The following SIL1 variants were observed in gnomAD, a reference collection of about 807,000 sequenced individuals.
The protein encoded by SIL1 is SIL1 nucleotide exchange factor.
A neutral mutation model predicts 49.1 loss-of-function variants in SIL1; 40 were observed. The observed-to-expected ratio is 0.81, with a 90% CI of 0.63 to 1.06. The LOEUF (loss-of-function observed/expected upper bound fraction) is 1.06. Ranked by LOEUF, SIL1 falls within the 50% of genes least tolerant of loss-of-function variation. SIL1 has a pLI of 0.00. For missense variants in SIL1, 500 were observed against 572.6 expected, an observed-to-expected ratio of 0.87 and a Z score of 1.29; for synonymous variants, 253 against 250.8, an observed-to-expected ratio of 1.01 and a Z score of -0.08.
chr5:139,058,972 G>A (rs1381544034), intron 3 of SIL1, among the ~76,000 whole-genome samples: 7 of 151,078 alleles, frequency 4.6e-5, no homozygotes, highest in Non-Finnish European at 1.0e-4. Context: ...AAATGTGTAT[G>A]TGTGTGTGTG....
intron 7 of SIL1, among the ~76,000 whole-genome samples, chr5:139,017,968 C>T (rs1160585844): frequency 1.3e-5 from 2 of 152,120 alleles, no homozygotes; most frequent in Non-Finnish European, 2.9e-5. Context: ...CATTAAAAGA[C>T]GAAGCTGCTA....
Position 138,951,212 on chromosome 5 carries a change from C to G in SIL1, c.988G>C (p.Val330Leu). The part of the protein sequence containing the change: ...VQEKGTEVLA[V>L]RVVTLLYDLV... ...TCGTAGAGCAGTGTGACCACGCGCACGGCGAGCACCTCCGTGCCCTTCTCC... is the reference window on the plus strand; with the variant it reads ...TCGTAGAGCAGTGTGACCACGCGCAGGGCGAGCACCTCCGTGCCCTTCTCC... The change falls in exon 9 of 10, where the codon GTG becomes CTG. Residue 330 changes from valine (V) to leucine (L), a missense_variant. Physicochemically the swap from Val to Leu is conservative, Grantham distance 32. Coordinates refer to ENST00000394817, the MANE Select transcript of SIL1 (RefSeq NM_022464.5). 1 of 1,609,788 alleles carries G rather than the reference C, an allele frequency of 6.2e-7. No individual in the cohort carries two copies. Among genetic ancestry groups the G allele is most frequent in the South Asian group, 1.1e-5 (1 of 89,954 alleles).
At chr5:139,074,840 T>C (rs1284195184) in intron 3 of SIL1, among the ~76,000 whole-genome samples, 2 of 152,114 alleles carry the variant, frequency 1.3e-5, no homozygotes, top group Non-Finnish European at 2.9e-5. Flanking sequence ...TTTTTATTTT[T>C]TTTGAGGCAC....
chr5:139,041,161 T>C lies in SIL1; in HGVS notation c.453+1459A>G, dbSNP rs1769039996. Among the ~76,000 whole-genome samples the C allele has an allele frequency of 2.0e-5, 3 of 152,324 alleles. No individual in the cohort carries two copies. In the South Asian group the frequency reaches 6.2e-4, roughly 32 times the overall value. On this transcript the variant is annotated intron_variant, in intron 5 of 9. Coordinates refer to ENST00000394817, the MANE Select transcript of SIL1 (RefSeq NM_022464.5). ...AGAAGATGTGCTTCTCCTCAGCCCC[T>C]TGGCTAATACATCTGTGGTAGGACA...
chr5:138,994,107 G>C (rs555632068), intron 7 of SIL1, among the ~76,000 whole-genome samples: 10 of 152,104 alleles, frequency 6.6e-5, no homozygotes, highest in Admixed American at 2.0e-4. Flanking sequence ...GACAGGAAAA[G>C]GATAAGGATG....
chr5:139,081,047 C>T (rs1367728530), intron 3 of SIL1, among the ~76,000 whole-genome samples: 1 of 152,202 alleles, frequency 6.6e-6, no homozygotes, highest in Non-Finnish European at 1.5e-5. Context: ...TCACTAAGCA[C>T]AGCATTAACC....
chr5:139,029,193 C>T (rs1768730217), intron 5 of SIL1, among the ~76,000 whole-genome samples: 1 of 152,104 alleles, frequency 6.6e-6, no homozygotes, highest in Non-Finnish European at 1.5e-5. Context: ...AAGGTGGTAA[C>T]TTTGGCAATG....
intron 1 of SIL1, among the ~76,000 whole-genome samples, chr5:139,160,879 A>G (rs928552535): frequency 2.6e-5 from 4 of 152,136 alleles, no homozygotes; most frequent in Admixed American, 6.5e-5. Flanking sequence ...GGGGACTTCT[A>G]CATAAGTTTA....
chr5:138,977,541 T>A (rs1421275780), intron 7 of SIL1, among the ~76,000 whole-genome samples: 3 of 152,062 alleles, frequency 2.0e-5, no homozygotes, highest in African/African-American at 7.2e-5. Context: ...AGTGGTGCAA[T>A]CATAGCTCAC....
intron 4 of SIL1, among the ~76,000 whole-genome samples, chr5:139,048,674 AC>A (rs547399084): frequency 1.1e-4 from 17 of 151,824 alleles, no homozygotes; most frequent in Non-Finnish European, 1.9e-4. Context: ...CCGGCCCCTA[AC>A]TCAATATTCA....
chr5:139,072,071 T>C (rs1209752441), intron 3 of SIL1, among the ~76,000 whole-genome samples: 1 of 152,152 alleles, frequency 6.6e-6, no homozygotes, highest in Non-Finnish European at 1.5e-5. Flanking sequence ...AATAAATTAC[T>C]TCAAAACTAT....
At chr5:139,182,718 C>T (rs533867817) in intron 1 of SIL1, among the ~76,000 whole-genome samples, 1 of 152,228 alleles carries the variant, frequency 6.6e-6, no homozygotes, top group South Asian at 2.1e-4. Context: ...ACAAGTGAGA[C>T]AAAACATTTA....
At chr5:139,151,740 T>C (rs912636602) in intron 1 of SIL1, among the ~76,000 whole-genome samples, 1 of 152,078 alleles carries the variant, frequency 6.6e-6, no homozygotes, top group Non-Finnish European at 1.5e-5. Context: ...AAGCTCACAA[T>C]GTGGAGTATA....
At chr5:138,968,177 G>A (rs1767189186) in intron 7 of SIL1, among the ~76,000 whole-genome samples, 1 of 152,038 alleles carries the variant, frequency 6.6e-6, no homozygotes, top group African/African-American at 2.4e-5. Context: ...CCTGCCCTGG[G>A]TTGCAGGTAC....
intron 4 of SIL1, among the ~76,000 whole-genome samples, chr5:139,049,698 C>T (rs1044038936): frequency 6.6e-6 from 1 of 150,768 alleles, no homozygotes; most frequent in East Asian, 1.9e-4. Flanking sequence ...GAGGTTGAGA[C>T]AATGAGATTG....
intron 1 of SIL1, among the ~76,000 whole-genome samples, chr5:139,168,806 C>T (rs1429608731): frequency 6.6e-6 from 1 of 151,876 alleles, no homozygotes; most frequent in African/African-American, 2.4e-5. Flanking sequence ...CCCATCTCTA[C>T]AAAAAATTAA....
chr5:139,041,785 T>C (rs906389043), intron 5 of SIL1, among the ~76,000 whole-genome samples: 4 of 144,182 alleles, frequency 2.8e-5, no homozygotes, highest in African/African-American at 1.1e-4. Context: ...AACAAGGCCA[T>C]CTGGGCGACA....
chr5:139,159,376 C>T (rs972758408), intron 1 of SIL1, among the ~76,000 whole-genome samples: 1 of 152,292 alleles, frequency 6.6e-6, no homozygotes, highest in East Asian at 1.9e-4. Flanking sequence ...CAAGGAAGGA[C>T]TGAATCAAGT....
chr5:139,013,973 A>G (rs1306660206), intron 7 of SIL1: 1 of 152,228 alleles, frequency 6.6e-6, no homozygotes, highest in East Asian at 1.9e-4. Context: ...CATCCACATG[A>G]AACTTACCCT....
Sources: allele counts gnomAD v4.1 joint callset (sites outside exome capture counted in the v4.1 genomes callset), GRCh38; gene constraint gnomAD v4.1.1; transcripts MANE v1.5; gene names NCBI Gene and HGNC (gene_info 2026-07-23, HGNC 2026-07-21).